Variants in XXYLT1 observed in about 807,000 individuals in gnomAD.
XXYLT1 encodes the protein xyloside xylosyltransferase 1, also known as UDP-xylose:alpha-xyloside alpha-1,3-xylosyltransferase.
Under a neutral mutation model 28.9 loss-of-function variants are expected in XXYLT1, and 20 were observed. That is an observed-to-expected ratio of 0.69 (90% CI 0.49 to 1.00). The LOEUF (loss-of-function observed/expected upper bound fraction) is 1.00, where lower values mean the gene tolerates loss of function less well. Among genes scored for constraint, XXYLT1 ranks in the 50% least tolerant of loss-of-function variants. XXYLT1 has a pLI of 0.00. For missense variants in XXYLT1, 542 were observed against 560.1 expected, an observed-to-expected ratio of 0.97 and a Z score of 0.33; for synonymous variants, 257 against 253.8, an observed-to-expected ratio of 1.01 and a Z score of -0.12.
intron 3 of XXYLT1, among the ~76,000 whole-genome samples, chr3:195,098,424 G>A (rs143355733): frequency 0.029 from 4,433 of 152,090 alleles, 217 homozygotes; most frequent in African/African-American, 0.098. Context: ...GTGGTGGTGC[G>A]CGCCTGTAGT....
At chr3:195,270,132 G>A (rs1725968771) in intron 1 of XXYLT1, 1 of 386,288 alleles carries the variant, frequency 2.6e-6, no homozygotes, top group African/African-American at 2.1e-5. Context: ...AACACTTCCA[G>A]AGGCCTCACC....
rs559463108 is a variant in XXYLT1, at chr3:195,162,359, AGCCT to A, written c.653-5782_653-5779del. On this transcript the variant is annotated intron_variant, in intron 2 of 3. Transcript: ENST00000310380. ...GCTAATCTATGTTTTCCACATTAGC[AGCCT>A]GCCCCTCCTCGGATGGTCGGGGGGA... Among the ~76,000 whole-genome samples, 28 of 152,340 alleles carry A rather than the reference AGCCT, an allele frequency of 1.8e-4. No individual in the cohort carries two copies. In the East Asian group the frequency reaches 5.4e-3, roughly 29 times the overall value.
intron 3 of XXYLT1, among the ~76,000 whole-genome samples, chr3:195,145,274 G>A (rs7643506): frequency 0.19 from 29,415 of 150,972 alleles, 3,481 homozygotes; most frequent in East Asian, 0.42. Flanking sequence ...TGGAAGCCAC[G>A]TGAATGGGCA....
intron 3 of XXYLT1, among the ~76,000 whole-genome samples, chr3:195,083,716 A>G (rs555766746): frequency 1.3e-5 from 2 of 152,314 alleles, no homozygotes; most frequent in Non-Finnish European, 2.9e-5. Flanking sequence ...CGGACGAGGA[A>G]ATGGAGGCCC....
chr3:195,244,937 G>A (rs1292370249), intron 1 of XXYLT1, among the ~76,000 whole-genome samples: 1 of 149,938 alleles, frequency 6.7e-6, no homozygotes, highest in African/African-American at 2.4e-5. Context: ...AGGCCAAGGT[G>A]GGTGGATCAC....
At chr3:195,214,043 C>G (rs1231504732) in intron 2 of XXYLT1, among the ~76,000 whole-genome samples, 1 of 152,226 alleles carries the variant, frequency 6.6e-6, no homozygotes, top group African/African-American at 2.4e-5. Context: ...GAATGCAGAA[C>G]TCTCTGGTAA....
At chr3:195,260,698 A>C (rs114846771) in intron 1 of XXYLT1, among the ~76,000 whole-genome samples, 3,148 of 152,254 alleles carry the variant, frequency 0.021, 122 homozygotes, top group African/African-American at 0.072. Context: ...TCCCTCAAAC[A>C]GCAGAGGAGG....
At chr3:195,116,827 G>A (rs74399719) in intron 3 of XXYLT1, among the ~76,000 whole-genome samples, 4,519 of 152,168 alleles carry the variant, frequency 0.03, 117 homozygotes, top group East Asian at 0.11. Flanking sequence ...CTGGAACCTC[G>A]GGAGCAAAAC....
At chr3:195,211,108 G>A (rs2108778783) in intron 2 of XXYLT1, among the ~76,000 whole-genome samples, 1 of 152,326 alleles carries the variant, frequency 6.6e-6, no homozygotes, top group South Asian at 2.1e-4. Flanking sequence ...AAAGGGCAAA[G>A]GCAGGCCGGG....
intron 1 of XXYLT1, among the ~76,000 whole-genome samples, chr3:195,269,394 T>C (rs1301762791): frequency 6.6e-6 from 1 of 151,836 alleles, no homozygotes; most frequent in Non-Finnish European, 1.5e-5. Context: ...TCAGGAGAGG[T>C]GAAAGCTGAG....
At chr3:195,164,468 G>C (rs1236874524) in intron 2 of XXYLT1, among the ~76,000 whole-genome samples, 2 of 152,226 alleles carry the variant, frequency 1.3e-5, no homozygotes, top group Non-Finnish European at 2.9e-5. Context: ...TCTGTCCCCT[G>C]CCTCACACTT....
In XXYLT1 at chr3:195,143,871, GATATATAT is replaced by G. The variant is rs1334344433; in HGVS notation, c.785+12570_785+12577del. Among the ~76,000 whole-genome samples the G allele has an allele frequency of 1.8e-4, 15 of 81,720 alleles. 1 individual carries two copies. Among genetic ancestry groups the G allele is most frequent in the African/African-American group, 6.4e-4 (13 of 20,354 alleles). 53.6% of individuals were successfully genotyped at this position (81,720 alleles called of 152,430 possible). A position where few individuals can be genotyped will look rare whatever the true frequency, so the allele number is the denominator to read the frequency against. ...ATATATATAGATATATATAGATATA[GATATATAT>G]ATATATATATTTATTTTTTATTTTT... On this transcript the variant is annotated intron_variant, in intron 3 of 3. Transcript: ENST00000310380.
chr3:195,119,950 C>A (rs939067594), intron 3 of XXYLT1, among the ~76,000 whole-genome samples: 9 of 152,092 alleles, frequency 5.9e-5, no homozygotes, highest in Non-Finnish European at 8.8e-5. Flanking sequence ...GGGGGAGCAG[C>A]CTGTCCCTGC....
chr3:195,174,738 C>T (rs1721576554), intron 2 of XXYLT1, among the ~76,000 whole-genome samples: 1 of 147,036 alleles, frequency 6.8e-6, no homozygotes, highest in Admixed American at 6.9e-5. Flanking sequence ...CTCCTCCTCC[C>T]CTTGGCTGCC....
chr3:195,124,373 T>A lies in XXYLT1; in HGVS notation c.785+32076A>T, dbSNP rs1312129223. On this transcript the variant is annotated intron_variant, in intron 3 of 3. Transcript: ENST00000310380. The surrounding 1 kb of genome is among the most constrained non-coding windows in gnomAD (Gnocchi z 4.1). ...GACTGAGATGCTTCTGGGAGAACGA[T>A]GGGTATAAATCCAAGACCTAGGACT... Among the ~76,000 whole-genome samples the A allele has an allele frequency of 6.6e-6, 1 of 152,188 alleles. No homozygotes were observed. Among genetic ancestry groups the A allele is most frequent in the Non-Finnish European group, 1.5e-5 (1 of 68,028 alleles).
At chr3:195,249,883 G>A (rs891202347) in intron 1 of XXYLT1, among the ~76,000 whole-genome samples, 3 of 152,224 alleles carry the variant, frequency 2.0e-5, no homozygotes, top group African/African-American at 7.2e-5. Flanking sequence ...TTTCCTGATG[G>A]ATCCAGAATC....
intron 2 of XXYLT1, chr3:195,207,475 T>C (rs1337807480): frequency 4.4e-6 from 2 of 456,576 alleles, no homozygotes; most frequent in African/African-American, 4.0e-5. Flanking sequence ...CAAGATGTTC[T>C]ACCTTGTACA....
chr3:195,225,451 C>CT (rs1724008216), intron 2 of XXYLT1, among the ~76,000 whole-genome samples: 1 of 152,332 alleles, frequency 6.6e-6, no homozygotes, highest in African/African-American at 2.4e-5. Flanking sequence ...CAAGCACCTT[C>CT]TTTTTCACTT....
chr3:195,134,903 A>C, intron 3 of XXYLT1, among the ~76,000 whole-genome samples: 1 of 151,290 alleles, frequency 6.6e-6, no homozygotes. Flanking sequence ...GCAAAGAGCT[A>C]TCAGCTATTT....
Sources: allele counts gnomAD v4.1 joint callset (sites outside exome capture counted in the v4.1 genomes callset), GRCh38; gene constraint gnomAD v4.1.1; non-coding constraint Gnocchi (gnomAD v3.1); transcripts MANE v1.5; gene names NCBI Gene and HGNC (gene_info 2026-07-23, HGNC 2026-07-21).